The following PDE6A variants were observed in gnomAD, a reference collection of about 807,000 sequenced individuals.
The protein encoded by PDE6A is rod cGMP-specific 3',5'-cyclic phosphodiesterase subunit alpha.
PDE6A carries 84 observed loss-of-function variants against 106.3 expected under a neutral mutation model. The observed-to-expected ratio is 0.79, with a 90% CI of 0.66 to 0.95. The LOEUF (loss-of-function observed/expected upper bound fraction) is 0.95. PDE6A is among the 40% of genes least tolerant of loss of function. PDE6A has a pLI of 0.00. For missense variants in PDE6A, 1,052 were observed against 1,084.9 expected (o/e 0.97, Z 0.43); for synonymous variants, 394 against 386.6 (o/e 1.02, Z -0.23).
chr5:149,862,447 G>T (rs146953698), intron 21 of PDE6A, among the ~76,000 whole-genome samples: 20 of 152,302 alleles, frequency 1.3e-4, no homozygotes, highest in Non-Finnish European at 2.6e-4. Flanking sequence ...CAGACAGAAG[G>T]CTGGAAATAG....
Position 149,884,412 on chromosome 5 carries a change from G to GTA in PDE6A, c.2027+65_2027+66dup, listed in dbSNP as rs371196623. On this transcript the variant is annotated intron_variant, in intron 16 of 21. Transcript: ENST00000255266. ...TGTGTATATATGTATATATATGTGT[G>GTA]TATATATATATATGCATACATATAA... 6.2e-3 allele frequency: 5,513 copies of GTA among 882,330 alleles called. 23 individuals are homozygous for GTA. The highest frequency in any genetic ancestry group is 0.023 in the African/African-American group (1,352 of 58,772). 54.7% of individuals were successfully genotyped at this position (882,330 alleles called of 1,614,324 possible).
Position 149,883,492 on chromosome 5 carries a change from T to G in PDE6A, c.2072A>C (p.Tyr691Ser). Residue 691 changes from tyrosine (Y) to serine (S), a missense_variant, in exon 17 of 22, where the codon TAT becomes TCT. Transcript: ENST00000255266. ...CTGTGTCCACTCCTGTTCACTCTCATATGTCTTAGACTGATCCACGATCTT... is the reference window on the plus strand; with the variant it reads ...CTGTGTCCACTCCTGTTCACTCTCAGATGTCTTAGACTGATCCACGATCTT... The part of the protein sequence containing the change: ...FQKIVDQSKT[Y>S]ESEQEWTQYM... 1 of 1,613,920 alleles carries G rather than the reference T, an allele frequency of 6.2e-7. No individual in the cohort carries two copies. Among genetic ancestry groups the G allele is most frequent in the Non-Finnish European group, 8.5e-7 (1 of 1,179,798 alleles).
At chr5:149,932,468 A>G in intron 3 of PDE6A, 1 of 1,410,432 alleles carries the variant, frequency 7.1e-7, no homozygotes, top group Non-Finnish European at 1.0e-6. Context: ...TTGAAAATGA[A>G]ACATCCTCAT....
intron 1 of PDE6A, among the ~76,000 whole-genome samples, chr5:149,938,621 T>C (rs1754247424): frequency 6.6e-6 from 1 of 152,230 alleles, no homozygotes; most frequent in African/African-American, 2.4e-5. Flanking sequence ...AAATATTGAA[T>C]GGCAAGTGGG....
At chr5:149,933,850 A>G in intron 3 of PDE6A, 80 bp downstream of exon 3, 1 of 1,019,110 alleles carries the variant, frequency 9.8e-7, no homozygotes, top group Non-Finnish European at 1.5e-6. Context: ...CTTCATTCCC[A>G]TCTGCCTGCC....
chr5:149,898,695 A>T (rs30819), intron 9 of PDE6A, among the ~76,000 whole-genome samples, 189 bp from the exon 10 acceptor site: 65,096 of 152,028 alleles, frequency 0.43, 15,893 homozygotes, highest in Non-Finnish European at 0.57. Context: ...CACACTGTAC[A>T]TAAAGCACTA....
intron 21 of PDE6A, among the ~76,000 whole-genome samples, chr5:149,862,844 A>C (rs576678882): frequency 6.6e-6 from 1 of 152,370 alleles, no homozygotes; most frequent in African/African-American, 2.4e-5. Flanking sequence ...ATATGTCCAC[A>C]GCCCTAAAAT....
intron 17 of PDE6A, among the ~76,000 whole-genome samples, chr5:149,874,737 A>G (rs1760679169): frequency 6.6e-6 from 1 of 152,196 alleles, no homozygotes; most frequent in Non-Finnish European, 1.5e-5. Context: ...GGGTCCTGCC[A>G]AGAGTCATCC....
At chr5:149,942,338 C>T (rs539376876) in intron 1 of PDE6A, among the ~76,000 whole-genome samples, 67 of 152,252 alleles carry the variant, frequency 4.4e-4, no homozygotes, top group Non-Finnish European at 7.6e-4. Flanking sequence ...TTCACAGGTG[C>T]AATCCCACTA....
intron 17 of PDE6A, among the ~76,000 whole-genome samples, chr5:149,873,332 C>G: frequency 7.3e-6 from 1 of 137,298 alleles, no homozygotes; most frequent in East Asian, 2.1e-4. Flanking sequence ...ATGAGATACT[C>G]TTTTTTTTTT....
intron 3 of PDE6A, among the ~76,000 whole-genome samples, chr5:149,933,323 C>T (rs745543282): frequency 2.6e-5 from 4 of 152,166 alleles, no homozygotes; most frequent in Admixed American, 6.5e-5. Flanking sequence ...TGGGGTCTTA[C>T]TATGTTTCCC....
chr5:149,927,715 A>T (rs956248852), intron 4 of PDE6A, among the ~76,000 whole-genome samples: 4 of 152,018 alleles, frequency 2.6e-5, no homozygotes, highest in African/African-American at 9.7e-5. Context: ...TTTTCTTTTT[A>T]AAAAAATCTC....
chr5:149,918,597 T>A lies in PDE6A; in HGVS notation c.933+3038A>T, dbSNP rs192810826. Among the ~76,000 whole-genome samples the A allele has an allele frequency of 5.8e-4, 88 of 152,188 alleles. No individual in the cohort carries two copies. The East Asian group carries it at 8.3e-3, about 14-fold the overall frequency. On this transcript the variant is annotated intron_variant, in intron 5 of 21. Coordinates refer to ENST00000255266, the MANE Select transcript of PDE6A (RefSeq NM_000440.3). ...ACCAATTTTCTTTTTTTATATTTTT[T>A]ATTTTGCTTTATTTTATTAATTTAC... is the stretch of plus-strand genomic sequence containing the variant.
rs1272599532 is a variant in PDE6A, at chr5:149,895,218, A to G, written c.1693T>C (p.Phe565Leu). Reference protein sequence around the residue: ...KITYHNWRHGFNVGQTMFSLL... With the variant: ...KITYHNWRHGLNVGQTMFSLL... ...GAGAACATGGTCTGCCCCACGTTGA[A>G]GCCGTGCCGCCAGTTGTGGTAGGTG... The change falls in exon 13 of 22, where the codon TTC (phenylalanine) becomes CTC (leucine). Residue 565 changes from phenylalanine (F) to leucine (L), a missense_variant. Coordinates refer to ENST00000255266, the MANE Select transcript of PDE6A (RefSeq NM_000440.3). The G allele has an allele frequency of 1.9e-6, 3 of 1,614,060 alleles. No homozygotes were observed. Among genetic ancestry groups the G allele is most frequent in the Non-Finnish European group, 2.5e-6 (3 of 1,179,942 alleles).
At chr5:149,919,384 T>C (rs2113635894) in intron 5 of PDE6A, among the ~76,000 whole-genome samples, 1 of 152,236 alleles carries the variant, frequency 6.6e-6, no homozygotes, top group East Asian at 1.9e-4. Flanking sequence ...GTGGGGCACC[T>C]GTAATCCCAG....
rs759744033 is a variant in PDE6A at position 149,884,909 on chromosome 5, G to A, written c.1839-42C>T. The A allele has an allele frequency of 1.7e-5, 24 of 1,443,392 alleles. No individual in the cohort carries two copies. In the South Asian group the frequency reaches 2.5e-4, roughly 15 times the overall value. 89.4% of individuals were successfully genotyped at this position (1,443,392 alleles called of 1,614,324 possible). A position where few individuals can be genotyped will look rare whatever the true frequency, so the allele number is the denominator to read the frequency against. On this transcript the variant is annotated intron_variant, in intron 14 of 21. Transcript: ENST00000255266. ...GAGAATCAATATGGAGTGGACAATA[G>A]AAAATTAGGACTAAACATCAAGTCT...
At position 149,908,157 on chromosome 5, in the gene PDE6A, G is replaced by A. The variant is rs182605640; in HGVS notation, c.999-779C>T. 5.1e-4 allele frequency among the ~76,000 whole-genome samples: 78 copies of A among 152,202 alleles called. 1 individual carries two copies. The highest frequency in any genetic ancestry group is 1.8e-3 in the African/African-American group (74 of 41,524). On this transcript the variant is annotated intron_variant, in intron 6 of 21. Coordinates refer to ENST00000255266, the MANE Select transcript of PDE6A (RefSeq NM_000440.3). ...TATATTATTTTGTCTGGCTTGTCAC[G>A]TTGCTGTAATTCATTCATTTTACTG...
At position 149,865,412 on chromosome 5, in the gene PDE6A, GAA is replaced by G. The variant is rs5872150; in HGVS notation, c.2358+756_2358+757del. ...GTGACAGAATGAGACCTGTCTCAAA[GAA>G]AAAAAAAAAACCAGCAAAAAACTCA... is the stretch of plus-strand genomic sequence containing the variant. On this transcript the variant is annotated intron_variant, in intron 20 of 21. Transcript: ENST00000255266. 2.2e-5 allele frequency among the ~76,000 whole-genome samples: 3 copies of G among 137,272 alleles called. No individual in the cohort carries two copies. The Admixed American group carries it at 2.2e-4, about 10-fold the overall frequency. The allele number at this position is 137,272 out of a possible 152,430, so 90.1% of individuals were successfully genotyped here.
chr5:149,899,668 T>C, intron 8 of PDE6A, 144 bp from the exon 9 acceptor site: 1 of 852,964 alleles, frequency 1.2e-6, no homozygotes. Flanking sequence ...ATGAGTTTAA[T>C]TACCGACAAC....
Sources: allele counts gnomAD v4.1 joint callset (sites outside exome capture counted in the v4.1 genomes callset), GRCh38; gene constraint gnomAD v4.1.1; transcripts MANE v1.5; gene names NCBI Gene and HGNC (gene_info 2026-07-23, HGNC 2026-07-21).